PDE5A: variants seen among roughly 807,000 people sequenced by gnomAD.
PDE5A encodes phosphodiesterase 5A, also known as cGMP-specific 3',5'-cyclic phosphodiesterase.
PDE5A carries 67 observed loss-of-function variants against 110.2 expected under a neutral mutation model. The observed-to-expected ratio is 0.61, with a 90% CI of 0.50 to 0.75. The LOEUF (loss-of-function observed/expected upper bound fraction) is 0.75, where lower values mean the gene tolerates loss of function less well. Among genes scored for constraint, PDE5A ranks in the 30% least tolerant of loss-of-function variants. The probability of loss-of-function intolerance (pLI) is 0.00; values close to 1 mark genes in which losing one functional copy is unlikely to be tolerated. For missense variants in PDE5A, 862 were observed against 1,045.1 expected (o/e 0.82, Z 2.42); for synonymous variants, 328 against 351.2 (o/e 0.93, Z 0.74).
chr4:119,522,463 T>C (rs548182098), intron 12 of PDE5A, among the ~76,000 whole-genome samples: 1 of 152,104 alleles, frequency 6.6e-6, no homozygotes, highest in East Asian at 1.9e-4. Context: ...AGAAAATTAC[T>C]GGTGATTAAT....
At chr4:119,602,885 C>G (rs1365317750) in intron 2 of PDE5A, among the ~76,000 whole-genome samples, 2 of 152,194 alleles carry the variant, frequency 1.3e-5, no homozygotes, top group African/African-American at 2.4e-5. Flanking sequence ...TCTAAGTTTT[C>G]TCTCTAGAAA....
intron 10 of PDE5A, among the ~76,000 whole-genome samples, chr4:119,540,693 T>G (rs1473904291): frequency 6.6e-6 from 1 of 152,200 alleles, no homozygotes; most frequent in African/African-American, 2.4e-5. Context: ...AGAATACAAT[T>G]GAAACATCTG....
chr4:119,509,602 A>G (rs1725671499), intron 15 of PDE5A, among the ~76,000 whole-genome samples: 1 of 152,016 alleles, frequency 6.6e-6, no homozygotes, highest in Admixed American at 6.6e-5. Context: ...CTTACCCCAG[A>G]GAAGTCGTGT....
intron 8 of PDE5A, 25 bp downstream of exon 8, chr4:119,553,613 T>A: frequency 8.8e-7 from 1 of 1,130,358 alleles, no homozygotes. Flanking sequence ...CCTTCTAGCT[T>A]CAAGTCTAAA....
chr4:119,538,950 G>A lies in PDE5A; in HGVS notation c.1632+10C>T, dbSNP rs770741023. 3 of 1,603,960 alleles carry A rather than the reference G, an allele frequency of 1.9e-6. No homozygotes were observed. The highest frequency in any genetic ancestry group is 2.2e-5 in the South Asian group (2 of 90,838). ...AATTAGTAATTTTTAAAAAGAAAGA[G>A]GATAATTACCGCTAACGACTGTAGC... On this transcript the variant is annotated intron_variant, in intron 11 of 20. Coordinates refer to ENST00000354960, the MANE Select transcript of PDE5A (RefSeq NM_001083.4).
At chr4:119,507,944 T>C (rs1268262880) in intron 15 of PDE5A, among the ~76,000 whole-genome samples, 1 of 151,896 alleles carries the variant, frequency 6.6e-6, no homozygotes, top group Non-Finnish European at 1.5e-5. Flanking sequence ...CCAACTCTTA[T>C]ACTCCTTAAG....
At chr4:119,611,147 A>C (rs550321446) in intron 1 of PDE5A, among the ~76,000 whole-genome samples, 3 of 152,314 alleles carry the variant, frequency 2.0e-5, no homozygotes, top group Non-Finnish European at 4.4e-5. Context: ...TGCTCAAACA[A>C]GTCATCTCTG....
Position 119,501,330 on chromosome 4 carries a change from A to AGAT in PDE5A, c.2407-80_2407-78dup, listed in dbSNP as rs1395812563. ...TTAGTTATTACTTTATTATTTTTTG[A>AGAT]GATGGAGTCTCACTCTGTTGTCCAG... On this transcript the variant is annotated intron_variant, in intron 19 of 20. Transcript: ENST00000354960. 2.7e-5 allele frequency: 24 copies of AGAT among 885,404 alleles called. No individual in the cohort carries two copies. In the Admixed American group the frequency reaches 4.0e-4, roughly 15 times the overall value. 54.8% of individuals were successfully genotyped at this position (885,404 alleles called of 1,614,324 possible). A position where few individuals can be genotyped will look rare whatever the true frequency, so the allele number is the denominator to read the frequency against.
intron 3 of PDE5A, among the ~76,000 whole-genome samples, chr4:119,581,725 G>A (rs1728595687): frequency 6.6e-6 from 1 of 152,168 alleles, no homozygotes; most frequent in African/African-American, 2.4e-5. Flanking sequence ...ATGCCTCAGA[G>A]ATATTGTGGG....
chr4:119,497,419 A>G lies in PDE5A; in HGVS notation c.*1182T>C, dbSNP rs201842859. 2.0e-4 allele frequency: 31 copies of G among 152,278 alleles called. No individual in the cohort carries two copies. Among genetic ancestry groups the G allele is most frequent in the African/African-American group, 5.8e-4 (24 of 41,570 alleles). The allele number at this position is 152,278 out of a possible 1,614,324, so 9.4% of individuals were successfully genotyped here. ...TAACTATACTAAATGTTATGGGAAG[A>G]AAATACATTGAATGTGAGTTAAGGG... is the stretch of plus-strand genomic sequence containing the variant. On this transcript the variant is annotated 3_prime_UTR_variant, in exon 21 of 21. Coordinates refer to ENST00000354960, the MANE Select transcript of PDE5A (RefSeq NM_001083.4).
At chr4:119,556,072 T>C (rs1255400902) in intron 7 of PDE5A, among the ~76,000 whole-genome samples, 1 of 152,166 alleles carries the variant, frequency 6.6e-6, no homozygotes, top group East Asian at 1.9e-4. Flanking sequence ...TGAAACAGAA[T>C]GAATAATGTG....
chr4:119,506,618 A>G (rs1458220862), intron 16 of PDE5A, among the ~76,000 whole-genome samples: 3 of 151,882 alleles, frequency 2.0e-5, no homozygotes, highest in African/African-American at 4.8e-5. Context: ...GGTTCAAAGG[A>G]GAGACCCATG....
At chr4:119,503,280 TG>T (rs1011753834) in intron 18 of PDE5A, among the ~76,000 whole-genome samples, 2 of 152,154 alleles carry the variant, frequency 1.3e-5, no homozygotes, top group African/African-American at 4.8e-5. Flanking sequence ...AATGAAATCT[TG>T]AAAAACAAAA....
chr4:119,612,824 GT>G (rs200065407), intron 1 of PDE5A, among the ~76,000 whole-genome samples: 3,723 of 152,310 alleles, frequency 0.024, 57 homozygotes, highest in South Asian at 0.052. Context: ...TAAGCTATTT[GT>G]TATAGCAGCC....
intron 1 of PDE5A, among the ~76,000 whole-genome samples, chr4:119,626,059 C>G (rs1560649372): frequency 6.6e-6 from 1 of 152,164 alleles, no homozygotes; most frequent in Non-Finnish European, 1.5e-5. Flanking sequence ...AACATAACCT[C>G]TTAAGAATAT....
In PDE5A at chr4:119,516,668, G is replaced by T. The variant is rs144906028; in HGVS notation, c.2000+2377C>A. On this transcript the variant is annotated intron_variant, in intron 14 of 20. Transcript: ENST00000354960. ...GAGTCTCGCTCTGCTGCCCAGGCTG[G>T]CATCAGTGGCGAGATCACAGCTCAC... Among the ~76,000 whole-genome samples the T allele has an allele frequency of 7.7e-3, 1,174 of 152,134 alleles. 19 individuals are homozygous for T. Among genetic ancestry groups the T allele is most frequent in the African/African-American group, 0.027 (1,113 of 41,514 alleles).
chr4:119,620,900 G>A (rs1730120174), intron 1 of PDE5A, among the ~76,000 whole-genome samples: 1 of 152,214 alleles, frequency 6.6e-6, no homozygotes, highest in South Asian at 2.1e-4. Context: ...ATTGTTCAGA[G>A]AGACCCAGTG....
At chr4:119,599,712 TACAC>T (rs3056797) in intron 2 of PDE5A, among the ~76,000 whole-genome samples, 58,090 of 147,128 alleles carry the variant, frequency 0.39, 11,402 homozygotes, top group South Asian at 0.5. Context: ...CAAGTGTGTA[TACAC>T]ACACACACAC....
At chr4:119,604,752 C>A (rs927132537) in intron 2 of PDE5A, among the ~76,000 whole-genome samples, 6 of 152,152 alleles carry the variant, frequency 3.9e-5, no homozygotes, top group Non-Finnish European at 8.8e-5. Context: ...GCTTCAAAAC[C>A]TGGGTCATCT....
Sources: gnomAD v4.1 joint callset for allele counts (sites outside exome capture counted in the v4.1 genomes callset) on GRCh38, gnomAD v4.1.1 for gene constraint, MANE v1.5 for transcripts, NCBI Gene and HGNC (gene_info 2026-07-23, HGNC 2026-07-21) for gene names.